The following FAR1 variants were observed in gnomAD, a reference collection of about 807,000 sequenced individuals.
FAR1 encodes the protein male sterility domain-containing protein 2.
Under a neutral mutation model 61.1 loss-of-function variants are expected in FAR1, and 22 were observed. The observed-to-expected ratio is 0.36, with a 90% CI of 0.26 to 0.51. FAR1 has a LOEUF of 0.51. Among genes scored for constraint, FAR1 ranks in the 20% least tolerant of loss-of-function variants. The pLI is 0.95. For synonymous variants in FAR1, 206 were observed against 209.7 expected (o/e 0.98, Z 0.15); for missense variants, 359 against 626.9 (o/e 0.57, Z 4.56).
chr11:13,717,287 A>G (rs188022920), intron 9 of FAR1, among the ~76,000 whole-genome samples: 2 of 152,218 alleles, frequency 1.3e-5, no homozygotes, highest in African/African-American at 4.8e-5. Flanking sequence ...CTCCTCAAGT[A>G]TAGTTCCTCA....
intron 1 of FAR1, among the ~76,000 whole-genome samples, chr11:13,679,852 T>C (rs1320963570): frequency 6.6e-6 from 1 of 152,222 alleles, no homozygotes; most frequent in Non-Finnish European, 1.5e-5. Context: ...GCCATGCTTA[T>C]GGAACAGCAT....
intron 1 of FAR1, among the ~76,000 whole-genome samples, chr11:13,679,592 C>G (rs1207921899): frequency 6.6e-6 from 1 of 152,122 alleles, no homozygotes; most frequent in Non-Finnish European, 1.5e-5. Context: ...CCTACTGGTT[C>G]TGGCCTTAAG....
At chr11:13,668,873 G>A (rs571436395) in intron 1 of FAR1, 67 bp downstream of exon 1, 1 of 153,076 alleles carries the variant, frequency 6.5e-6, no homozygotes, top group Non-Finnish European at 1.5e-5. Flanking sequence ...CTCGGGAAGT[G>A]GTTGCGGGAG....
At chr11:13,681,484 G>C (rs1848126526) in intron 1 of FAR1, among the ~76,000 whole-genome samples, 1 of 152,338 alleles carries the variant, frequency 6.6e-6, no homozygotes, top group South Asian at 2.1e-4. Flanking sequence ...GGGCAGTCTT[G>C]TAAATCACTT....
chr11:13,682,334 G>A (rs118031237), intron 1 of FAR1, among the ~76,000 whole-genome samples: 157 of 152,188 alleles, frequency 1.0e-3, no homozygotes, highest in Admixed American at 2.0e-3. Flanking sequence ...GAATGTTTGT[G>A]GAATATTGGA....
chr11:13,692,323 G>A (rs745595258), intron 1 of FAR1, among the ~76,000 whole-genome samples: 40 of 152,126 alleles, frequency 2.6e-4, no homozygotes, highest in Non-Finnish European at 3.7e-4. Flanking sequence ...AAAGCATTTC[G>A]GATAGGGGAT....
rs1848705025 is a variant in FAR1 at position 13,729,851 on chromosome 11, C to T, written c.*1077C>T. 6.6e-6 allele frequency: 1 copy of T among 152,186 alleles called. No homozygotes were observed. The highest frequency in any genetic ancestry group is 1.5e-5 in the Non-Finnish European group (1 of 67,836). 9.4% of individuals were successfully genotyped at this position (152,186 alleles called of 1,614,324 possible). On this transcript the variant is annotated 3_prime_UTR_variant, in exon 12 of 12. Coordinates refer to ENST00000354817, the MANE Select transcript of FAR1 (RefSeq NM_032228.6). ...TTCCTTCAAGAAAAATAAAATAATG[C>T]TTAAGATAATGTGTACGAAATTAAA...
At chr11:13,724,978 C>CACTA (rs1452833639) in intron 10 of FAR1, among the ~76,000 whole-genome samples, 4 of 152,188 alleles carry the variant, frequency 2.6e-5, no homozygotes, top group Non-Finnish European at 5.9e-5. Flanking sequence ...TGCACCTAAT[C>CACTA]ACTACCTCCT....
Position 13,729,477 on chromosome 11 carries a change from T to C in FAR1, c.*703T>C, listed in dbSNP as rs1053189274. On this transcript the variant is annotated 3_prime_UTR_variant, in exon 12 of 12. Coordinates refer to ENST00000354817, the MANE Select transcript of FAR1 (RefSeq NM_032228.6). Reference sequence around the variant, plus strand: ...ATCCATATCAGCAACATACGTGTTTTTTGACAGAAAGTGAAAACAAATTCC... The same window carrying C: ...ATCCATATCAGCAACATACGTGTTTCTTGACAGAAAGTGAAAACAAATTCC... 1.2e-4 allele frequency: 18 copies of C among 152,110 alleles called. No homozygotes were observed. Among genetic ancestry groups the C allele is most frequent in the African/African-American group, 3.8e-4 (16 of 41,578 alleles). 9.4% of individuals were successfully genotyped at this position (152,110 alleles called of 1,614,324 possible). A position where few individuals can be genotyped will look rare whatever the true frequency, so the allele number is the denominator to read the frequency against.
chr11:13,673,318 T>C (rs1338624394), intron 1 of FAR1, among the ~76,000 whole-genome samples: 2 of 152,246 alleles, frequency 1.3e-5, no homozygotes, highest in Non-Finnish European at 2.9e-5. Context: ...ATGTGATTCC[T>C]ATTTCATCTA....
intron 3 of FAR1, among the ~76,000 whole-genome samples, chr11:13,700,957 A>C (rs2134184442): frequency 6.6e-6 from 1 of 152,210 alleles, no homozygotes; most frequent in East Asian, 1.9e-4. Context: ...CAGTAGTGCT[A>C]GGGGCAAGGT....
chr11:13,698,513 G>T (rs2134182552), intron 2 of FAR1, among the ~76,000 whole-genome samples: 1 of 152,246 alleles, frequency 6.6e-6, no homozygotes, highest in Admixed American at 6.5e-5. Flanking sequence ...TTATGAACAT[G>T]CTTGTATCAC....
At chr11:13,722,685 G>C (rs1279754202) in intron 10 of FAR1, among the ~76,000 whole-genome samples, 1 of 151,814 alleles carries the variant, frequency 6.6e-6, no homozygotes, top group Non-Finnish European at 1.5e-5. Flanking sequence ...TGTTAGCCAA[G>C]CTGCTGGTCT....
intron 1 of FAR1, chr11:13,686,621 ACAAT>A (rs1393764965): frequency 6.6e-6 from 1 of 152,228 alleles, no homozygotes; most frequent in Non-Finnish European, 1.5e-5. Context: ...ATAACTGTGA[ACAAT>A]CAGTTGTGAT....
At chr11:13,714,397 G>A (rs998774643) in intron 8 of FAR1, 112 bp from the exon 9 acceptor site, 30 of 1,074,900 alleles carry the variant, frequency 2.8e-5, no homozygotes, top group East Asian at 1.3e-4. Flanking sequence ...TTAAATGTAC[G>A]AACTCTGACA....
chr11:13,688,203 G>A (rs1591258647), intron 1 of FAR1, among the ~76,000 whole-genome samples: 1 of 151,898 alleles, frequency 6.6e-6, no homozygotes, highest in South Asian at 2.1e-4. Flanking sequence ...TTTAGTGCTT[G>A]TGAAGTTTTT....
chr11:13,676,954 A>G (rs1050857069), intron 1 of FAR1, among the ~76,000 whole-genome samples: 3 of 152,214 alleles, frequency 2.0e-5, no homozygotes, highest in Admixed American at 2.0e-4. Context: ...CCTCTCCTTC[A>G]ATAAATTTAA....
intron 1 of FAR1, among the ~76,000 whole-genome samples, chr11:13,688,005 C>T (rs1255779995): frequency 1.3e-5 from 2 of 151,218 alleles, no homozygotes; most frequent in Non-Finnish European, 1.5e-5. Flanking sequence ...TCCTAAATGA[C>T]GAGTTAATGG....
chr11:13,727,992 A>G (rs963912021), intron 11 of FAR1, among the ~76,000 whole-genome samples: 4 of 151,898 alleles, frequency 2.6e-5, no homozygotes, highest in African/African-American at 9.7e-5. Flanking sequence ...GTGGCAAAGC[A>G]AACTAGAATA....
Sources: allele counts gnomAD v4.1 joint callset (sites outside exome capture counted in the v4.1 genomes callset), GRCh38; gene constraint gnomAD v4.1.1; transcripts MANE v1.5; gene names NCBI Gene and HGNC (gene_info 2026-07-23, HGNC 2026-07-21).